The following FRMD4A variants were observed in gnomAD, a reference collection of about 807,000 sequenced individuals.
FRMD4A encodes the protein FERM domain containing 4A.
In FRMD4A, 29 loss-of-function variants were observed where a neutral mutation model predicts 129.1. That is an observed-to-expected ratio of 0.22 (90% CI 0.17 to 0.31). The LOEUF is 0.31. FRMD4A is among the 10% of genes least tolerant of loss of function. FRMD4A has a pLI of 1.00. For synonymous variants in FRMD4A, 634 were observed against 571.6 expected, an observed-to-expected ratio of 1.11 and a Z score of -1.56; for missense variants, 1,272 against 1,375.8, an observed-to-expected ratio of 0.92 and a Z score of 1.19.
chr10:13,696,676 G>A lies in FRMD4A; in HGVS notation c.976-2637C>T, dbSNP rs182033977. On this transcript the variant is annotated intron_variant, in intron 14 of 24. Coordinates refer to ENST00000357447, the MANE Select transcript of FRMD4A (RefSeq NM_018027.5). ...GGAGAATTGCTTGAACCCGGGAGGC[G>A]GAGGTTGCAGTGAGCTGAGATCACG... is the stretch of plus-strand genomic sequence containing the variant. Among the ~76,000 whole-genome samples, 478 of 152,220 alleles carry A rather than the reference G, an allele frequency of 3.1e-3. 3 individuals are homozygous for A. The highest frequency in any genetic ancestry group is 0.011 in the African/African-American group (454 of 41,524).
intron 3 of FRMD4A, among the ~76,000 whole-genome samples, chr10:13,843,422 A>G (rs2093998517): frequency 6.6e-6 from 1 of 152,166 alleles, no homozygotes; most frequent in Non-Finnish European, 1.5e-5. Context: ...TGGAGTCCGG[A>G]ATCGAGGAGT....
At chr10:13,771,788 G>A (rs149525392) in intron 6 of FRMD4A, among the ~76,000 whole-genome samples, 1 of 152,094 alleles carries the variant, frequency 6.6e-6, no homozygotes, top group African/African-American at 2.4e-5. Flanking sequence ...TCCCTAAAGA[G>A]TGCATTGCCA....
At position 13,660,467 on chromosome 10, in the gene FRMD4A, G is replaced by T; in HGVS notation, c.1747C>A (p.Pro583Thr). The T allele has an allele frequency of 6.2e-7, 1 of 1,614,148 alleles. No individual in the cohort carries two copies. Among genetic ancestry groups the T allele is most frequent in the Non-Finnish European group, 8.5e-7 (1 of 1,179,978 alleles). The change falls in exon 20 of 25, where the codon CCT becomes ACT. Residue 583 changes from proline to threonine, a missense_variant. Transcript: ENST00000357447. Reference sequence around the variant, plus strand: ...AGTCCCTCCAGGGACTGGGGAGGAGGAGGCCTGTTGTGCGACGGTGGCCGA... The same window carrying T: ...AGTCCCTCCAGGGACTGGGGAGGAGTAGGCCTGTTGTGCGACGGTGGCCGA... Reference protein sequence around the residue: ...PPRPPSHNRPPPPQSLEGLRQ... With the variant: ...PPRPPSHNRPTPPQSLEGLRQ...
At chr10:13,762,198 C>T (rs538472442) in intron 7 of FRMD4A, among the ~76,000 whole-genome samples, 1 of 152,266 alleles carries the variant, frequency 6.6e-6, no homozygotes, top group South Asian at 2.1e-4. Context: ...AGCTAATATT[C>T]TATAACATCT....
chr10:14,326,736 C>T, intron 2 of FRMD4A: 1 of 397,534 alleles, frequency 2.5e-6, no homozygotes, highest in South Asian at 1.4e-4. Flanking sequence ...CCAGCCCTTG[C>T]AGCTTTCCCT....
intron 12 of FRMD4A, among the ~76,000 whole-genome samples, chr10:13,734,103 G>T (rs2090478890): frequency 6.6e-6 from 1 of 152,160 alleles, no homozygotes. Flanking sequence ...TCCACACTCT[G>T]GTGGATCCTG....
intron 2 of FRMD4A, among the ~76,000 whole-genome samples, chr10:14,212,975 G>A (rs1454659995): frequency 2.0e-5 from 3 of 152,210 alleles, no homozygotes; most frequent in African/African-American, 7.2e-5. Context: ...AGTGGCTCAC[G>A]CCTGTAATCC....
At chr10:14,220,159 T>G (rs1470433373) in intron 2 of FRMD4A, among the ~76,000 whole-genome samples, 1 of 152,212 alleles carries the variant, frequency 6.6e-6, no homozygotes, top group Non-Finnish European at 1.5e-5. Flanking sequence ...CCCTTCTAAA[T>G]GACGAAACTG....
In FRMD4A at chr10:13,794,854, C is replaced by T. The variant is rs2093080090; in HGVS notation, c.299+1642G>A. 2.0e-5 allele frequency among the ~76,000 whole-genome samples: 3 copies of T among 152,196 alleles called. No homozygotes were observed. In the South Asian group the frequency reaches 6.2e-4, roughly 31 times the overall value. On this transcript the variant is annotated intron_variant, in intron 5 of 24. Coordinates refer to ENST00000357447, the MANE Select transcript of FRMD4A (RefSeq NM_018027.5). ...CAGTCATCCCATTCCCCAATTCTCT[C>T]TATTGCTAGCACCTATTTAACCTCT...
At chr10:13,828,535 CTTT>C (rs568818717) in intron 3 of FRMD4A, among the ~76,000 whole-genome samples, 1 of 135,238 alleles carries the variant, frequency 7.4e-6, no homozygotes. Flanking sequence ...TTCTTTCTTT[CTTT>C]TTTTTTTTTT....
chr10:13,676,204 G>T (rs1240788716), intron 15 of FRMD4A, among the ~76,000 whole-genome samples: 1 of 152,034 alleles, frequency 6.6e-6, no homozygotes, highest in Non-Finnish European at 1.5e-5. Flanking sequence ...CTACCTTGAT[G>T]GGTTAGAAAA....
chr10:14,171,097 G>C (rs1413673278), intron 2 of FRMD4A, among the ~76,000 whole-genome samples: 1 of 151,476 alleles, frequency 6.6e-6, no homozygotes, highest in African/African-American at 2.4e-5. Context: ...GAATTATGAA[G>C]TTTGGAGGAT....
At chr10:14,093,018 A>T (rs1836744829) in intron 2 of FRMD4A, among the ~76,000 whole-genome samples, 1 of 152,186 alleles carries the variant, frequency 6.6e-6, no homozygotes, top group South Asian at 2.1e-4. Flanking sequence ...AGCTGGAACT[A>T]GAGCTCCCTG....
intron 2 of FRMD4A, among the ~76,000 whole-genome samples, chr10:14,188,346 T>C (rs536465573): frequency 6.6e-6 from 1 of 152,260 alleles, no homozygotes; most frequent in Admixed American, 6.5e-5. Flanking sequence ...AATCCTACAA[T>C]TGGGCACATA....
intron 9 of FRMD4A, among the ~76,000 whole-genome samples, chr10:13,740,890 G>A (rs2090960778): frequency 1.4e-5 from 2 of 147,004 alleles, no homozygotes; most frequent in Non-Finnish European, 3.0e-5. Flanking sequence ...GCAATGGTGC[G>A]ATCTTGGTTC....
intron 2 of FRMD4A, among the ~76,000 whole-genome samples, chr10:13,875,270 G>A (rs1028917568): frequency 6.6e-6 from 1 of 152,202 alleles, no homozygotes; most frequent in African/African-American, 2.4e-5. Context: ...ACTGAGCACT[G>A]TTTTCAAGTC....
chr10:13,700,934 T>C (rs747503070), intron 14 of FRMD4A, among the ~76,000 whole-genome samples: 17 of 147,038 alleles, frequency 1.2e-4, no homozygotes, highest in Non-Finnish European at 2.4e-4. Context: ...CCTAAACAGT[T>C]AGGTGGTGTC....
chr10:13,983,347 G>A (rs1465235561), intron 2 of FRMD4A, among the ~76,000 whole-genome samples: 1 of 151,818 alleles, frequency 6.6e-6, no homozygotes, highest in East Asian at 1.9e-4. Flanking sequence ...CAGGAGCTGG[G>A]AAATGACCGA....
intron 2 of FRMD4A, among the ~76,000 whole-genome samples, chr10:14,257,894 A>G (rs1363869750): frequency 6.6e-6 from 1 of 152,224 alleles, no homozygotes; most frequent in Non-Finnish European, 1.5e-5. Context: ...GTGTAAAGCC[A>G]CCCAGTTTGT....
Sources: gnomAD v4.1 joint callset for allele counts (sites outside exome capture counted in the v4.1 genomes callset) on GRCh38, gnomAD v4.1.1 for gene constraint, MANE v1.5 for transcripts, NCBI Gene and HGNC (gene_info 2026-07-23, HGNC 2026-07-21) for gene names.